ACER1: variants seen among roughly 807,000 people sequenced by gnomAD.
ACER1 encodes the protein CTB-180A7.3.
ACER1 carries 28 observed loss-of-function variants against 24.9 expected under a neutral mutation model. That is an observed-to-expected ratio of 1.13 (90% CI 0.83 to 1.54). The LOEUF (loss-of-function observed/expected upper bound fraction) is 1.54, where lower values mean the gene tolerates loss of function less well. Ranked by LOEUF, ACER1 falls within the 40% of genes most tolerant of loss-of-function variation. The pLI, the probability that ACER1 is intolerant of heterozygous loss-of-function variation, is 0.00. For missense variants in ACER1, 352 were observed against 349.3 expected (o/e 1.01, Z -0.06); for synonymous variants, 132 against 131.4 (o/e 1.00, Z -0.03).
the ACER1 span, among the ~76,000 whole-genome samples, chr19:6,355,380 G>A: frequency 1.4e-5 from 2 of 144,192 alleles, no homozygotes. Flanking sequence ...GAAGTGAGGA[G>A]CGCCTCTTCC....
intron 1 of ACER1, among the ~76,000 whole-genome samples, chr19:6,314,939 T>A (rs2091596094): frequency 6.6e-6 from 1 of 152,058 alleles, no homozygotes; most frequent in South Asian, 2.1e-4. Flanking sequence ...TCGCCCAGGC[T>A]GGAGTGCAGT....
chr19:6,349,774 A>C, the ACER1 span, among the ~76,000 whole-genome samples: 33 of 152,142 alleles, frequency 2.2e-4, no homozygotes, highest in African/African-American at 8.0e-4. Flanking sequence ...GATCCTAAAC[A>C]TGGAAGCTGG....
chr19:6,347,094 T>G, the ACER1 span, among the ~76,000 whole-genome samples: 2 of 69,934 alleles, frequency 2.9e-5, no homozygotes, highest in African/African-American at 2.6e-4. Flanking sequence ...AGTCCCTGTC[T>G]CTACAAAAAA....
At chr19:6,342,127 G>A in the ACER1 span, among the ~76,000 whole-genome samples, 3 of 152,166 alleles carry the variant, frequency 2.0e-5, no homozygotes, top group Non-Finnish European at 4.4e-5. Flanking sequence ...AATGCCCAAA[G>A]TCACAAAGGA....
the ACER1 span, among the ~76,000 whole-genome samples, chr19:6,354,803 C>T: frequency 7.4e-6 from 1 of 134,632 alleles, no homozygotes; most frequent in African/African-American, 3.1e-5. Flanking sequence ...TCTCCCTCTC[C>T]CTCTCCCCCC....
chr19:6,323,923 C>T (rs2091645575), intron 1 of ACER1, among the ~76,000 whole-genome samples: 1 of 152,126 alleles, frequency 6.6e-6, no homozygotes, highest in Non-Finnish European at 1.5e-5. Flanking sequence ...GGACTGGAAT[C>T]CCACTGCAGA....
the ACER1 span, among the ~76,000 whole-genome samples, chr19:6,351,474 T>TC: frequency 6.6e-6 from 1 of 151,946 alleles, no homozygotes; most frequent in African/African-American, 2.4e-5. Flanking sequence ...CTCATGCCTG[T>TC]AATCCCAGCA....
chr19:6,311,513 G>T (rs1472085314), intron 3 of ACER1, among the ~76,000 whole-genome samples: 1 of 152,036 alleles, frequency 6.6e-6, no homozygotes, highest in African/African-American at 2.4e-5. Flanking sequence ...CTGCACTCCA[G>T]TGTGGGTGAC....
At chr19:6,347,021 G>A in the ACER1 span, among the ~76,000 whole-genome samples, 8 of 148,066 alleles carry the variant, frequency 5.4e-5, no homozygotes, top group African/African-American at 1.8e-4. Context: ...CCGCACTTTG[G>A]GAGGCCAAGG....
chr19:6,308,228 A>C (rs2091561265), intron 4 of ACER1, among the ~76,000 whole-genome samples: 1 of 152,112 alleles, frequency 6.6e-6, no homozygotes, highest in Non-Finnish European at 1.5e-5. Flanking sequence ...TGAGGTTAGG[A>C]GTTCGAGACC....
rs1243935903 is a variant in ACER1 at position 6,306,687 on chromosome 19, G to T, written c.*27C>A. ...CAAGACACAGGCAAGTTGTTGGGTG[G>T]TTGGATAGTCAAGAGGCTGGCAGGT... On this transcript the variant is annotated 3_prime_UTR_variant, in exon 6 of 6. Transcript: ENST00000301452. The T allele has an allele frequency of 5.7e-6, 9 of 1,580,386 alleles. No individual in the cohort carries two copies. Among genetic ancestry groups the T allele is most frequent in the Non-Finnish European group, 6.9e-6 (8 of 1,159,884 alleles).
At chr19:6,348,829 G>A in the ACER1 span, among the ~76,000 whole-genome samples, 1,846 of 151,896 alleles carry the variant, frequency 0.012, 39 homozygotes, top group African/African-American at 0.042. Context: ...AGGCCGAGGC[G>A]GGTGGATCAT....
chr19:6,319,927 C>A lies in ACER1; in HGVS notation c.94-7428G>T, dbSNP rs535633028. Among the ~76,000 whole-genome samples, 3 of 152,092 alleles carry A rather than the reference C, an allele frequency of 2.0e-5. No individual in the cohort carries two copies. In the South Asian group the frequency reaches 6.2e-4, roughly 32 times the overall value. ...AGGAGTTCAAGACCAGCCTGGCCGA[C>A]ATGGAGAAACCCTGTCTTTACTAAA... On this transcript the variant is annotated intron_variant, in intron 1 of 5. Transcript: ENST00000301452.
chr19:6,321,174 C>T (rs576321642), intron 1 of ACER1, among the ~76,000 whole-genome samples: 4 of 151,208 alleles, frequency 2.6e-5, no homozygotes, highest in Admixed American at 1.3e-4. Flanking sequence ...CTCACTCTGT[C>T]GCCCAGGCTG....
At chr19:6,325,151 ACT>A (rs1275931773) in intron 1 of ACER1, among the ~76,000 whole-genome samples, 1 of 151,032 alleles carries the variant, frequency 6.6e-6, no homozygotes, top group Non-Finnish European at 1.5e-5. Context: ...CCACATCATG[ACT>A]CTCCTCTGTT....
At chr19:6,314,911 A>G (rs8111945) in intron 1 of ACER1, among the ~76,000 whole-genome samples, 22,037 of 141,332 alleles carry the variant, frequency 0.16, 1,832 homozygotes, top group East Asian at 0.29. Flanking sequence ...TTTATTTTTG[A>G]GATGGAGTAT....
chr19:6,307,287 G>A lies in ACER1; in HGVS notation c.492C>T (p.Thr164=). 6.2e-7 allele frequency: 1 copy of A among 1,613,926 alleles called. No homozygotes were observed. Among genetic ancestry groups the A allele is most frequent in the African/African-American group, 1.3e-5 (1 of 75,016 alleles). ...LYIVCQEYRK[T]SNKELRHLIE... is the part of the protein sequence containing the mutation. ...TCAGGTGCCGAAGCTCCTTATTGCT[G>A]GTCCTAGAGAGGGGAGAGGGGGACC... The change falls in exon 5 of 6, where the codon ACC becomes ACT. Residue 164 remains threonine (T), a synonymous_variant. Coordinates refer to ENST00000301452, the MANE Select transcript of ACER1 (RefSeq NM_133492.3).
the ACER1 span, among the ~76,000 whole-genome samples, chr19:6,347,109 A>AAAAAAATATATATATAT: frequency 7.7e-4 from 88 of 113,752 alleles, no homozygotes; most frequent in African/African-American, 3.5e-3. Flanking sequence ...AAAAAAAAAA[A>AAAAAAATATATATATAT]ATATATATAT....
chr19:6,354,740 C>T, the ACER1 span, among the ~76,000 whole-genome samples: 36 of 152,082 alleles, frequency 2.4e-4, no homozygotes. Flanking sequence ...AGCAACATAT[C>T]GATACCTTGT....
Sources: allele counts gnomAD v4.1 joint callset (sites outside exome capture counted in the v4.1 genomes callset), GRCh38; gene constraint gnomAD v4.1.1; transcripts MANE v1.5; gene names NCBI Gene and HGNC (gene_info 2026-07-23, HGNC 2026-07-21).